Variants in LRCH2 observed in about 807,000 individuals in gnomAD.
LRCH2 encodes the protein leucine-rich repeat and calponin homology domain-containing protein 2.
In LRCH2, 38 loss-of-function variants were observed where a neutral mutation model predicts 68.9. That is an observed-to-expected ratio of 0.55 (90% confidence interval 0.43 to 0.72). The LOEUF is 0.72. Ranked by LOEUF, LRCH2 falls within the 30% of genes least tolerant of loss-of-function variation. The pLI, the probability that LRCH2 is intolerant of heterozygous loss-of-function variation, is 0.00. For synonymous variants in LRCH2, 191 were observed against 208.1 expected, an observed-to-expected ratio of 0.92 and a Z score of 0.71; for missense variants, 528 against 572.9, an observed-to-expected ratio of 0.92 and a Z score of 0.80.
At chrX:115,224,220 G>A (rs1556575359) in intron 1 of LRCH2, among the ~76,000 whole-genome samples, 3 of 111,471 alleles carry the variant, frequency 2.7e-5, no homozygotes, top group Non-Finnish European at 5.6e-5. Flanking sequence ...TGGTTGGGGA[G>A]GAGGCAGGGA....
rs781791269 is a variant in LRCH2 at position 115,139,236 on chromosome X, C to T, written c.1696-9037G>A. The stretch of plus-strand genomic sequence containing the variant: ...GTGGCTTCTTTACTCCCATATAAAA[C>T]GAACAATGATCATAGAAAATGTGTC... On this transcript the variant is annotated intron_variant, in intron 14 of 20. Coordinates refer to ENST00000317135, the MANE Select transcript of LRCH2 (RefSeq NM_020871.4). The T allele has an allele frequency of 8.1e-5, 9 of 111,348 alleles. No individual in the cohort carries two copies. The East Asian group carries it at 8.4e-4, about 10-fold the overall frequency. The allele number at this position is 111,348 out of a possible 1,213,427, so 9.2% of individuals were successfully genotyped here.
intron 14 of LRCH2, among the ~76,000 whole-genome samples, chrX:115,147,165 G>A (rs1047904663): frequency 9.0e-6 from 1 of 111,455 alleles, no homozygotes. Flanking sequence ...GTATTTTACT[G>A]TTTAATGAAC....
intron 20 of LRCH2, among the ~76,000 whole-genome samples, chrX:115,115,568 C>G (rs1159091943): frequency 1.8e-5 from 2 of 110,574 alleles, no homozygotes; most frequent in Non-Finnish European, 3.8e-5. Flanking sequence ...GGATCACAGA[C>G]AAAAAGGTAA....
chrX:115,127,894 T>TA (rs1355423549), intron 15 of LRCH2, among the ~76,000 whole-genome samples: 2 of 111,346 alleles, frequency 1.8e-5, no homozygotes, highest in East Asian at 5.7e-4. Flanking sequence ...AAGGCTGATG[T>TA]GGCAAGCAAG....
intron 1 of LRCH2, among the ~76,000 whole-genome samples, chrX:115,233,217 C>G (rs1556578989): frequency 8.9e-6 from 1 of 111,875 alleles, no homozygotes; most frequent in African/African-American, 3.2e-5. Flanking sequence ...ATGATTAAAC[C>G]ACACAGAAAA....
At chrX:115,180,891 C>T (rs782137691) in intron 3 of LRCH2, among the ~76,000 whole-genome samples, 3 of 111,450 alleles carry the variant, frequency 2.7e-5, no homozygotes, top group Admixed American at 9.6e-5. Flanking sequence ...GCTGTCATAG[C>T]TCCTCATGGA....
At chrX:115,124,310 C>A (rs1244122601) in intron 16 of LRCH2, among the ~76,000 whole-genome samples, 3 of 110,940 alleles carry the variant, frequency 2.7e-5, no homozygotes, top group Non-Finnish European at 5.7e-5. Flanking sequence ...CTGAAGTTTC[C>A]GAAAAAAAGA....
Position 115,122,810 on chromosome X carries a change from G to C in LRCH2, c.2050C>G (p.His684Asp). Residue 684 changes from histidine to aspartate, a missense_variant, in exon 19 of 21, where the codon CAT becomes GAT. By Grantham distance (81) the His-to-Asp change is moderately conservative. Coordinates refer to ENST00000317135, the MANE Select transcript of LRCH2 (RefSeq NM_020871.4). ...DGVVLCHLAN[H>D]IRPRSVASIH... ...CTAGCAACAGAACGTGGCCTTATAT[G>C]ATTGGCTAAATGGCAAAGAACAACC... The C allele has an allele frequency of 8.3e-7, 1 of 1,210,523 alleles. No individual in the cohort carries two copies.
intron 1 of LRCH2, among the ~76,000 whole-genome samples, chrX:115,200,635 TAA>T (rs781811048): frequency 3.1e-5 from 3 of 97,650 alleles, no homozygotes; most frequent in African/African-American, 3.7e-5. Flanking sequence ...GAATCAGTAG[TAA>T]AAAAAAAAAA....
intron 14 of LRCH2, 103 bp from the exon 15 acceptor site, chrX:115,130,302 C>T: frequency 2.5e-6 from 1 of 407,154 alleles, no homozygotes; most frequent in African/African-American, 2.5e-5. Context: ...AGCTTTATTA[C>T]ATTACCTGAT....
intron 14 of LRCH2, among the ~76,000 whole-genome samples, chrX:115,135,920 C>G (rs183739701): frequency 8.9e-6 from 1 of 111,799 alleles, no homozygotes; most frequent in South Asian, 3.7e-4. Context: ...ATACATAATA[C>G]TATTACACAC....
In LRCH2 at chrX:115,165,475, G is replaced by T. The variant is rs782698976; in HGVS notation, c.1297-12C>A. 5 of 1,103,964 alleles carry T rather than the reference G, an allele frequency of 4.5e-6. No homozygotes were observed. In the Admixed American group the frequency reaches 1.4e-4, roughly 31 times the overall value. 91.0% of individuals were successfully genotyped at this position (1,103,964 alleles called of 1,213,427 possible). A position where few individuals can be genotyped will look rare whatever the true frequency, so the allele number is the denominator to read the frequency against. ...CATTTTTCTTTTCCCTTATATAAAAGAAAGTTACATTTTAAATTGTATAGT... is the reference window on the plus strand; with the variant it reads ...CATTTTTCTTTTCCCTTATATAAAATAAAGTTACATTTTAAATTGTATAGT... On this transcript the variant is annotated splice_polypyrimidine_tract_variant and intron_variant, in intron 9 of 20. Transcript: ENST00000317135.
chrX:115,199,544 T>TA (rs2072915499), intron 1 of LRCH2, among the ~76,000 whole-genome samples: 1 of 111,704 alleles, frequency 9.0e-6, no homozygotes, highest in South Asian at 3.7e-4. Context: ...AAAAGACGGT[T>TA]AAAAAAGACA....
At chrX:115,192,552 T>C (rs2072852178) in intron 1 of LRCH2, 1 of 1,169,382 alleles carries the variant, frequency 8.6e-7, no homozygotes, top group African/African-American at 1.8e-5. Flanking sequence ...CTCCCCTGCA[T>C]GATTCTTACA....
chrX:115,137,806 G>A lies in LRCH2; in HGVS notation c.1696-7607C>T, dbSNP rs781841699. Among the ~76,000 whole-genome samples the A allele has an allele frequency of 2.5e-4, 28 of 110,908 alleles. No individual in the cohort carries two copies. The East Asian group carries it at 6.6e-3, about 26-fold the overall frequency. On this transcript the variant is annotated intron_variant, in intron 14 of 20. Coordinates refer to ENST00000317135, the MANE Select transcript of LRCH2 (RefSeq NM_020871.4). ...TCTACTAAAAATACAAAAATCAGCC[G>A]GGTGTGGTGGAGGGTGCCTATAATC...
intron 1 of LRCH2, chrX:115,190,863 C>A: frequency 8.6e-7 from 1 of 1,156,415 alleles, no homozygotes; most frequent in Non-Finnish European, 1.2e-6. Context: ...ATGAGGAGTA[C>A]CAAGGCCGCT....
chrX:115,186,116 T>G (rs1351262294), intron 2 of LRCH2, among the ~76,000 whole-genome samples: 8 of 111,815 alleles, frequency 7.2e-5, no homozygotes, highest in Non-Finnish European at 1.1e-4. Context: ...TCCCAGCACT[T>G]TTGAGAGGCC....
chrX:115,224,242 G>C (rs1185133188), intron 1 of LRCH2, among the ~76,000 whole-genome samples: 1 of 111,543 alleles, frequency 9.0e-6, no homozygotes, highest in African/African-American at 3.3e-5. Context: ...AATGGAAAGG[G>C]ATTTATTTGT....
chrX:115,166,017 T>C lies in LRCH2; in HGVS notation c.1087-65A>G. ...AACTTACGATATGGATTATGTTACT[T>C]CAATTTTACATATGAATTACAGAAT... On this transcript the variant is annotated intron_variant, in intron 7 of 20. Coordinates refer to ENST00000317135, the MANE Select transcript of LRCH2 (RefSeq NM_020871.4). 6.1e-6 allele frequency: 5 copies of C among 813,367 alleles called. No homozygotes were observed. The South Asian group carries it at 1.2e-4, about 20-fold the overall frequency. The allele number at this position is 813,367 out of a possible 1,213,427, so 67.0% of individuals were successfully genotyped here. A position where few individuals can be genotyped will look rare whatever the true frequency, so the allele number is the denominator to read the frequency against.
Sources: allele counts gnomAD v4.1 joint callset (sites outside exome capture counted in the v4.1 genomes callset), GRCh38; gene constraint gnomAD v4.1.1; transcripts MANE v1.5; gene names NCBI Gene and HGNC (gene_info 2026-07-23, HGNC 2026-07-21).